PTPRD: variants seen among roughly 807,000 people sequenced by gnomAD.
PTPRD encodes the protein protein tyrosine phosphatase receptor type D.
In PTPRD, 34 loss-of-function variants were observed where a neutral mutation model predicts 214.5. The ratio of observed to expected loss-of-function variants is 0.16; its 90% CI spans 0.12 to 0.21. The LOEUF is 0.21. PTPRD is among the 10% of genes least tolerant of loss of function. The pLI, the probability that PTPRD is intolerant of heterozygous loss-of-function variation, is 1.00. For missense variants in PTPRD, 2,545 were observed against 2,398.7 expected (o/e 1.06, Z -1.27); for synonymous variants, 1,128 against 845.7 (o/e 1.33, Z -5.79).
chr9:9,959,430 T>C (rs1214960084), intron 4 of PTPRD, among the ~76,000 whole-genome samples: 2 of 152,116 alleles, frequency 1.3e-5, no homozygotes, highest in Non-Finnish European at 1.5e-5. Context: ...GGTGGACACA[T>C]GACAGTACAT....
At chr9:8,769,584 C>G (rs73425010) in intron 11 of PTPRD, among the ~76,000 whole-genome samples, 7,033 of 152,174 alleles carry the variant, frequency 0.046, 408 homozygotes, top group African/African-American at 0.13. Context: ...ATGTGTCCCC[C>G]ACCACTCATC....
chr9:9,656,911 G>T (rs1460532645), intron 7 of PTPRD, among the ~76,000 whole-genome samples: 1 of 151,934 alleles, frequency 6.6e-6, no homozygotes, highest in South Asian at 2.1e-4. Flanking sequence ...ATTTCCTCTT[G>T]ATTTCTCTGT....
At chr9:9,658,995 G>A (rs1214257037) in intron 7 of PTPRD, among the ~76,000 whole-genome samples, 2 of 152,074 alleles carry the variant, frequency 1.3e-5, no homozygotes, top group Non-Finnish European at 2.9e-5. Context: ...ATTCTACTAT[G>A]TGAATGTGAT....
chr9:9,822,153 C>T (rs1598786904), intron 5 of PTPRD, among the ~76,000 whole-genome samples: 1 of 150,852 alleles, frequency 6.6e-6, no homozygotes, highest in East Asian at 1.9e-4. Context: ...TGGCTCACTC[C>T]TGTATTTTTC....
At chr9:10,109,645 A>G (rs1443271389) in intron 3 of PTPRD, among the ~76,000 whole-genome samples, 1 of 152,134 alleles carries the variant, frequency 6.6e-6, no homozygotes, top group African/African-American at 2.4e-5. Flanking sequence ...GACCCAAGTC[A>G]TATTTAAGTG....
At chr9:8,855,670 C>G (rs574727207) in intron 11 of PTPRD, among the ~76,000 whole-genome samples, 8 of 152,168 alleles carry the variant, frequency 5.3e-5, no homozygotes, top group Non-Finnish European at 1.0e-4. Context: ...TTGAATGCCA[C>G]TTTTACAGGA....
At chr9:8,843,730 A>G (rs931216031) in intron 11 of PTPRD, among the ~76,000 whole-genome samples, 3 of 152,198 alleles carry the variant, frequency 2.0e-5, no homozygotes, top group African/African-American at 7.2e-5. Context: ...CAAGGCAGAT[A>G]CTGTCTACTA....
At chr9:9,401,274 A>G (rs2070336304) in intron 8 of PTPRD, among the ~76,000 whole-genome samples, 2 of 152,232 alleles carry the variant, frequency 1.3e-5, no homozygotes, top group Admixed American at 1.3e-4. Flanking sequence ...TCTATTACAC[A>G]CACATACACA....
At chr9:9,208,797 G>A (rs10977575) in intron 9 of PTPRD, among the ~76,000 whole-genome samples, 16,129 of 151,664 alleles carry the variant, frequency 0.11, 962 homozygotes, top group Non-Finnish European at 0.13. Flanking sequence ...GAAACCCAGA[G>A]ACAATATAAC....
At chr9:9,419,304 A>T (rs532876815) in intron 8 of PTPRD, among the ~76,000 whole-genome samples, 102 of 151,918 alleles carry the variant, frequency 6.7e-4, no homozygotes, top group African/African-American at 2.4e-3. Context: ...TATCAGATTT[A>T]ATCAAGCTAT....
At chr9:9,630,627 A>G (rs947561866) in intron 7 of PTPRD, among the ~76,000 whole-genome samples, 1 of 152,240 alleles carries the variant, frequency 6.6e-6, no homozygotes, top group Non-Finnish European at 1.5e-5. Context: ...CTGATGAAAA[A>G]GAGGAGAGTC....
At chr9:8,881,518 T>G (rs911640522) in intron 11 of PTPRD, among the ~76,000 whole-genome samples, 1 of 152,222 alleles carries the variant, frequency 6.6e-6, no homozygotes, top group Non-Finnish European at 1.5e-5. Context: ...GGAAGGGGTT[T>G]ACTATACATC....
At chr9:9,930,856 G>A (rs1602589177) in intron 5 of PTPRD, among the ~76,000 whole-genome samples, 1 of 151,840 alleles carries the variant, frequency 6.6e-6, no homozygotes, top group Non-Finnish European at 1.5e-5. Flanking sequence ...ATTTCTGTAT[G>A]GTTACCCTTG....
chr9:8,860,638 T>C (rs554155534), intron 11 of PTPRD: 1 of 152,322 alleles, frequency 6.6e-6, no homozygotes, highest in African/African-American at 2.4e-5. Flanking sequence ...CATGTTAATA[T>C]ATTCAGAGCA....
chr9:9,763,882 A>T (rs1459990747), intron 6 of PTPRD, among the ~76,000 whole-genome samples: 1 of 152,184 alleles, frequency 6.6e-6, no homozygotes, highest in Admixed American at 6.5e-5. Context: ...TTGAAATATT[A>T]TGCATTCTTG....
chr9:10,206,451 A>C (rs10511536), intron 3 of PTPRD, among the ~76,000 whole-genome samples: 5,889 of 152,274 alleles, frequency 0.039, 156 homozygotes, highest in South Asian at 0.096. Flanking sequence ...ATATCAGGCT[A>C]TTGAAACAGT....
chr9:10,201,273 G>C (rs2099419215), intron 3 of PTPRD, among the ~76,000 whole-genome samples: 1 of 151,878 alleles, frequency 6.6e-6, no homozygotes, highest in African/African-American at 2.4e-5. Context: ...AATCTGATAA[G>C]ATAAAGTCAC....
chr9:9,331,133 C>G (rs1034737293), intron 9 of PTPRD, among the ~76,000 whole-genome samples: 19 of 152,120 alleles, frequency 1.2e-4, no homozygotes, highest in African/African-American at 4.1e-4. Context: ...CTATTCTATT[C>G]ATGTCTCGGA....
chr9:8,609,744 C>T (rs1310402565), intron 14 of PTPRD, among the ~76,000 whole-genome samples: 2 of 152,184 alleles, frequency 1.3e-5, no homozygotes, highest in African/African-American at 4.8e-5. Context: ...AATTACCCTG[C>T]AATAAATGAT....
Sources: gnomAD v4.1 joint callset for allele counts (sites outside exome capture counted in the v4.1 genomes callset) on GRCh38, gnomAD v4.1.1 for gene constraint, MANE v1.5 for transcripts, NCBI Gene and HGNC (gene_info 2026-07-23, HGNC 2026-07-21) for gene names.